Variants in GTF2F2 observed in about 807,000 individuals in gnomAD.
GTF2F2 encodes general transcription factor IIF subunit 2, also known as ATP-dependent helicase GTF2F2.
GTF2F2 carries 23 observed loss-of-function variants against 42.2 expected under a neutral mutation model. That is an observed-to-expected ratio of 0.55 (90% confidence interval 0.39 to 0.77). The LOEUF (loss-of-function observed/expected upper bound fraction) is 0.77, where lower values mean the gene tolerates loss of function less well. GTF2F2 is among the 30% of genes least tolerant of loss of function. GTF2F2 has a pLI of 0.00. For missense variants in GTF2F2, 261 were observed against 287.2 expected, an observed-to-expected ratio of 0.91 and a Z score of 0.66; for synonymous variants, 105 against 100.8, an observed-to-expected ratio of 1.04 and a Z score of -0.25.
chr13:45,243,145 A>G (rs1348720326), intron 5 of GTF2F2, among the ~76,000 whole-genome samples: 1 of 152,160 alleles, frequency 6.6e-6, no homozygotes, highest in African/African-American at 2.4e-5. Flanking sequence ...AAATTCTCAG[A>G]TGCTCAAGTC....
intron 2 of GTF2F2, among the ~76,000 whole-genome samples, chr13:45,138,843 G>T (rs758427971): frequency 3.9e-5 from 6 of 152,026 alleles, no homozygotes; most frequent in Non-Finnish European, 1.5e-5. Context: ...ACGGGGTTTC[G>T]CCATGTTGGC....
intron 2 of GTF2F2, among the ~76,000 whole-genome samples, chr13:45,148,693 T>C (rs529075709): frequency 6.6e-6 from 1 of 152,322 alleles, no homozygotes; most frequent in African/African-American, 2.4e-5. Context: ...TTCCTTCTGC[T>C]GGCTGGGACA....
chr13:45,159,589 A>G (rs1294797406), intron 4 of GTF2F2, among the ~76,000 whole-genome samples: 1 of 152,176 alleles, frequency 6.6e-6, no homozygotes, highest in Non-Finnish European at 1.5e-5. Flanking sequence ...CAACATGACT[A>G]AAAATACAAA....
At chr13:45,190,002 C>G (rs1335861396) in intron 4 of GTF2F2, among the ~76,000 whole-genome samples, 1 of 152,128 alleles carries the variant, frequency 6.6e-6, no homozygotes, top group Non-Finnish European at 1.5e-5. Context: ...CCAAAATAGA[C>G]AAATGGGATC....
chr13:45,133,974 A>C (rs770004279), intron 1 of GTF2F2, among the ~76,000 whole-genome samples: 7 of 152,154 alleles, frequency 4.6e-5, no homozygotes, highest in Non-Finnish European at 8.8e-5. Flanking sequence ...TACTAAGGAG[A>C]GAGCTAGGAA....
intron 5 of GTF2F2, among the ~76,000 whole-genome samples, chr13:45,245,459 C>G (rs1239895906): frequency 4.0e-5 from 6 of 151,824 alleles, no homozygotes; most frequent in African/African-American, 1.2e-4. Context: ...CTTTCCTTAC[C>G]TCTCCCACCA....
intron 4 of GTF2F2, among the ~76,000 whole-genome samples, chr13:45,164,449 T>C (rs1053926020): frequency 2.6e-5 from 4 of 152,026 alleles, no homozygotes; most frequent in African/African-American, 9.7e-5. Context: ...GTAGCAGCCC[T>C]AGTGGCCAGG....
At chr13:45,213,124 G>C (rs953427019) in intron 5 of GTF2F2, among the ~76,000 whole-genome samples, 1 of 151,460 alleles carries the variant, frequency 6.6e-6, no homozygotes, top group African/African-American at 2.4e-5. Context: ...TGTCGCCCAG[G>C]CTGGAGTGCA....
intron 6 of GTF2F2, among the ~76,000 whole-genome samples, chr13:45,264,581 TG>T (rs1461282788): frequency 8.5e-5 from 13 of 152,192 alleles, no homozygotes; most frequent in Non-Finnish European, 1.2e-4. Context: ...CCATGATTTT[TG>T]AAAAATCTGG....
At chr13:45,174,634 C>CTT (rs397950608) in intron 4 of GTF2F2, among the ~76,000 whole-genome samples, 20 of 81,464 alleles carry the variant, frequency 2.5e-4, no homozygotes, top group East Asian at 9.9e-4. Context: ...TTTCTTTTTT[C>CTT]TTTTTTTTTT....
chr13:45,267,350 T>C lies in GTF2F2; in HGVS notation c.604T>C (p.Leu202=). 1.2e-6 allele frequency: 2 copies of C among 1,609,972 alleles called. No individual in the cohort carries two copies. The highest frequency in any genetic ancestry group is 1.7e-6 in the Non-Finnish European group (2 of 1,177,070). The change falls in exon 7 of 8, where the codon TTG becomes CTG. Residue 202 remains leucine, a synonymous_variant. Transcript: ENST00000340473. ...ACATCAATACTATAATCTTAAGGAC[T>C]TGGTGGACATCACAAAGCAACCTGT... is the stretch of plus-strand genomic sequence containing the variant. ...EKHQYYNLKD[L]VDITKQPVVY...
chr13:45,176,873 T>A (rs1593472609), intron 4 of GTF2F2, among the ~76,000 whole-genome samples: 1 of 151,938 alleles, frequency 6.6e-6, no homozygotes, highest in Admixed American at 6.6e-5. Context: ...GCAACCTCTG[T>A]CTCCCAGGTT....
At chr13:45,263,503 C>T (rs1312455668) in intron 6 of GTF2F2, among the ~76,000 whole-genome samples, 1 of 152,194 alleles carries the variant, frequency 6.6e-6, no homozygotes, top group African/African-American at 2.4e-5. Flanking sequence ...GCTGGGATTA[C>T]AGGCGTGAGC....
chr13:45,137,479 A>T (rs1869690961), intron 2 of GTF2F2, among the ~76,000 whole-genome samples: 1 of 152,248 alleles, frequency 6.6e-6, no homozygotes, highest in Non-Finnish European at 1.5e-5. Flanking sequence ...CCCAAAACTT[A>T]GTGGCTTAGA....
At position 45,196,961 on chromosome 13, in the gene GTF2F2, G is replaced by A. The variant is rs538957852; in HGVS notation, c.305-10463G>A. ...CAGGTTTTCAAAACCACTGATGAGT[G>A]CTCGTTTCTGCAGGCTTGCCTGAAC... On this transcript the variant is annotated intron_variant, in intron 4 of 7. Transcript: ENST00000340473. Among the ~76,000 whole-genome samples the A allele has an allele frequency of 2.1e-3, 325 of 152,042 alleles. 1 individual carries two copies. The highest frequency in any genetic ancestry group is 7.7e-3 in the African/African-American group (320 of 41,458).
intron 4 of GTF2F2, among the ~76,000 whole-genome samples, chr13:45,169,814 A>C (rs1566121701): frequency 6.6e-6 from 1 of 152,156 alleles, no homozygotes; most frequent in Non-Finnish European, 1.5e-5. Context: ...AATTTTTTTT[A>C]CATGTCTTCA....
At chr13:45,131,651 A>G (rs1270035984) in intron 1 of GTF2F2, among the ~76,000 whole-genome samples, 2 of 152,062 alleles carry the variant, frequency 1.3e-5, no homozygotes, top group Non-Finnish European at 2.9e-5. Flanking sequence ...CATGCCTGTA[A>G]TCCCAGCACC....
intron 4 of GTF2F2, chr13:45,194,726 G>A (rs527784178): frequency 5.6e-5 from 37 of 654,972 alleles, no homozygotes; most frequent in Non-Finnish European, 1.1e-5. Flanking sequence ...GCAGTAGGTG[G>A]CGTATCAGCC....
intron 5 of GTF2F2, among the ~76,000 whole-genome samples, chr13:45,238,479 A>G (rs1311297353): frequency 6.6e-6 from 1 of 152,138 alleles, no homozygotes; most frequent in Non-Finnish European, 1.5e-5. Context: ...AAGCATTAGC[A>G]GTAAGTTTCT....
Sources: gnomAD v4.1 joint callset for allele counts (sites outside exome capture counted in the v4.1 genomes callset) on GRCh38, gnomAD v4.1.1 for gene constraint, MANE v1.5 for transcripts, NCBI Gene and HGNC (gene_info 2026-07-23, HGNC 2026-07-21) for gene names.